DYRK1B: variants seen among roughly 807,000 people sequenced by gnomAD.
The protein encoded by DYRK1B is dual specificity tyrosine phosphorylation regulated kinase 1B.
Under a neutral mutation model 57.1 loss-of-function variants are expected in DYRK1B, and 20 were observed. The observed-to-expected ratio is 0.35, with a 90% CI of 0.25 to 0.51. DYRK1B has a LOEUF of 0.51. Ranked by LOEUF, DYRK1B falls within the 20% of genes least tolerant of loss-of-function variation. The probability of loss-of-function intolerance (pLI) is 0.96; values close to 1 mark genes in which losing one functional copy is unlikely to be tolerated. For missense variants in DYRK1B, 732 were observed against 886.3 expected (o/e 0.83, Z 2.21); for synonymous variants, 409 against 384.7 (o/e 1.06, Z -0.74).
intron 8 of DYRK1B, 128 bp from the exon 9 acceptor site, chr19:39,827,115 G>T: frequency 4.3e-6 from 5 of 1,165,446 alleles, no homozygotes; most frequent in Non-Finnish European, 5.9e-6. Flanking sequence ...AAGAGTTGTG[G>T]GGTGGGAAGG....
chr19:39,832,050 G>T (rs975072895), intron 1 of DYRK1B, 82 bp from the exon 2 acceptor site: 9 of 1,338,040 alleles, frequency 6.7e-6, no homozygotes, highest in African/African-American at 1.5e-5. Context: ...GTGGACATGA[G>T]AAAGACAGGG....
Position 39,830,790 on chromosome 19 carries a change from G to A in DYRK1B, c.64-7C>T. On this transcript the variant is annotated splice_region_variant and splice_polypyrimidine_tract_variant and intron_variant, in intron 2 of 10. Coordinates refer to ENST00000323039, the MANE Select transcript of DYRK1B (RefSeq NM_004714.3). The stretch of plus-strand genomic sequence containing the variant: ...GCCGCACATCAGGCAATACCTGCAG[G>A]GCAGGGTGAGGGGTGGGCACTGAGG... 1 of 1,609,774 alleles carries A rather than the reference G, an allele frequency of 6.2e-7. No homozygotes were observed.
rs974666338 is a variant in DYRK1B, at chr19:39,831,906, C to T, written c.-39G>A. ...GGCCGCAGGGGAGCGAGGCCTGGAG[C>T]GGGAGCCCGGCCGGGGGGCGCCTTC... On this transcript the variant is annotated 5_prime_UTR_variant, in exon 2 of 11. Transcript: ENST00000323039. The T allele has an allele frequency of 1.2e-5, 18 of 1,443,666 alleles. No homozygotes were observed. Among genetic ancestry groups the T allele is most frequent in the East Asian group, 5.4e-5 (2 of 37,086 alleles). 89.4% of individuals were successfully genotyped at this position (1,443,666 alleles called of 1,614,324 possible). A position where few individuals can be genotyped will look rare whatever the true frequency, so the allele number is the denominator to read the frequency against.
chr19:39,826,604 C>A lies in DYRK1B; in HGVS notation c.1411+68G>T. ...TTGTGTGAAGACCCAGTAACCAGGTCCCCCAGGACAGGCCAAACCTGAGCA... is the reference window on the plus strand; with the variant it reads ...TTGTGTGAAGACCCAGTAACCAGGTACCCCAGGACAGGCCAAACCTGAGCA... On this transcript the variant is annotated intron_variant, in intron 9 of 10. Transcript: ENST00000323039. The surrounding 1 kb of genome is among the most constrained non-coding windows in gnomAD (Gnocchi z 6.3). The A allele has an allele frequency of 6.9e-7, 1 of 1,442,078 alleles. No homozygotes were observed. The allele number at this position is 1,442,078 out of a possible 1,614,324, so 89.3% of individuals were successfully genotyped here.
Position 39,828,380 on chromosome 19 carries a change from G to A in DYRK1B, c.724C>T (p.Pro242Ser). 6.2e-7 allele frequency: 1 copy of A among 1,614,168 alleles called. No individual in the cohort carries two copies. The highest frequency in any genetic ancestry group is 8.5e-7 in the Non-Finnish European group (1 of 1,180,022). The change falls in exon 6 of 11, where the codon CCC (proline) becomes TCC (serine). Residue 242 changes from proline to serine, a missense_variant. Physicochemically the swap from Pro to Ser is moderately conservative, Grantham distance 74. Around this residue, in one of 2 missense-constraint regions of DYRK1B, gnomAD observed 510 missense variants for 681.3 expected, o/e 0.75. Transcript: ENST00000323039. The surrounding 1 kb of genome is among the most constrained non-coding windows in gnomAD (Gnocchi z 4.3). Reference protein sequence around the residue: ...ELSIIHCDLKPENILLCNPKR... With the variant: ...ELSIIHCDLKSENILLCNPKR... ...GGGTTGCACAGCAAGATGTTTTCGG[G>A]CTTGAGGTCGCAGTGAATGATGCTG...
intron 5 of DYRK1B, among the ~76,000 whole-genome samples, chr19:39,829,274 T>C (rs1291201030): frequency 6.6e-6 from 1 of 151,638 alleles, no homozygotes; most frequent in East Asian, 1.9e-4. Flanking sequence ...GTCATCAGGC[T>C]GGAGTGCAGT....
chr19:39,833,291 C>G, intron 1 of DYRK1B: 1 of 985,506 alleles, frequency 1.0e-6, no homozygotes, highest in East Asian at 1.1e-4. Flanking sequence ...GCGCGGGGCC[C>G]ACGGGGGGCT....
In DYRK1B at chr19:39,826,968, G is replaced by T; in HGVS notation, c.1115C>A (p.Thr372Lys). ...GCCCAGCACCTCCTGCAGCCGCCGT[G>T]TCCCGGGGCCCTGGTAATCCTGGCA... ...ELRKDYQGPG[T>K]RRLQEVLGVQ... Residue 372 changes from threonine to lysine, a missense_variant, in exon 9 of 11, where the codon ACA becomes AAA. By Grantham distance (78) the Thr-to-Lys change is moderately conservative. Around this residue, in one of 2 missense-constraint regions of DYRK1B, gnomAD observed 510 missense variants for 681.3 expected, o/e 0.75. Coordinates refer to ENST00000323039, the MANE Select transcript of DYRK1B (RefSeq NM_004714.3). The surrounding 1 kb of genome is among the most constrained non-coding windows in gnomAD (Gnocchi z 6.3). 1 of 1,446,600 alleles carries T rather than the reference G, an allele frequency of 6.9e-7. No homozygotes were observed. The highest frequency in any genetic ancestry group is 9.0e-7 in the Non-Finnish European group (1 of 1,109,598). 89.6% of individuals were successfully genotyped at this position (1,446,600 alleles called of 1,614,324 possible). A position where few individuals can be genotyped will look rare whatever the true frequency, so the allele number is the denominator to read the frequency against.
At chr19:39,827,014 G>GGGGGCC in intron 8 of DYRK1B, 27 bp from the exon 9 acceptor site, 9 of 419,568 alleles carry the variant, frequency 2.1e-5, no homozygotes, top group Non-Finnish European at 2.6e-5. Context: ...GGGAGGGGGG[G>GGGGGCC]CAAGAGAGTG....
At chr19:39,832,964 C>T (rs1445505455) in intron 1 of DYRK1B, 14 of 985,164 alleles carry the variant, frequency 1.4e-5, no homozygotes, top group Non-Finnish European at 1.7e-5. Flanking sequence ...AATATTCCTA[C>T]CACAGACCTT....
Position 39,825,482 on chromosome 19 carries a change from CAATA to C in DYRK1B, c.*229_*232del, listed in dbSNP as rs942275390. On this transcript the variant is annotated 3_prime_UTR_variant, in exon 11 of 11. Coordinates refer to ENST00000323039, the MANE Select transcript of DYRK1B (RefSeq NM_004714.3). ...CACCGGACCACCACTGTCTTTGGTA[CAATA>C]AATAGAAAAAAAGGGGGAGAGGGGC... 6 of 564,812 alleles carry C rather than the reference CAATA, an allele frequency of 1.1e-5. No individual in the cohort carries two copies. Among genetic ancestry groups the C allele is most frequent in the African/African-American group, 7.7e-5 (4 of 52,170 alleles). The allele number at this position is 564,812 out of a possible 1,614,324, so 35.0% of individuals were successfully genotyped here. A position where few individuals can be genotyped will look rare whatever the true frequency, so the allele number is the denominator to read the frequency against.
At chr19:39,827,734 A>G (rs1029136544) in intron 6 of DYRK1B, 78 bp from the exon 7 acceptor site, 1 of 1,532,312 alleles carries the variant, frequency 6.5e-7, no homozygotes, top group Admixed American at 1.9e-5. Flanking sequence ...AGAGGACCCA[A>G]CTGAGGACAG....
At chr19:39,830,922 C>A in intron 2 of DYRK1B, 139 bp from the exon 3 acceptor site, 1 of 1,043,548 alleles carries the variant, frequency 9.6e-7, no homozygotes, top group Non-Finnish European at 1.4e-6. Flanking sequence ...AAAGAAACTC[C>A]CCCAGGGCTG....
Position 39,828,318 on chromosome 19 carries a change from G to A in DYRK1B, c.786C>T (p.Ser262=). ...RSAIKIVDFG[S]SCQLGQRIYQ... is the part of the protein sequence containing the mutation. ...CTACCCTCTGGCCAAGCTGGCAGGA[G>A]CTGCCGAAGTCCACAATCTTGATGG... is the stretch of plus-strand genomic sequence containing the variant. The change falls in exon 6 of 11, where the codon AGC becomes AGT. Residue 262 remains serine (S), a synonymous_variant. Transcript: ENST00000323039. The surrounding 1 kb of genome is among the most constrained non-coding windows in gnomAD (Gnocchi z 4.3). 3.1e-6 allele frequency: 5 copies of A among 1,614,172 alleles called. No homozygotes were observed. The highest frequency in any genetic ancestry group is 4.2e-6 in the Non-Finnish European group (5 of 1,180,034).
At chr19:39,830,061 T>TGGG (rs777645794) in intron 4 of DYRK1B, 34 bp from the exon 5 acceptor site, 1 of 1,611,046 alleles carries the variant, frequency 6.2e-7, no homozygotes, top group Non-Finnish European at 8.5e-7. Flanking sequence ...AAGAAAGGGG[T>TGGG]GGGAGCAGGG....
chr19:39,827,124 G>T, intron 8 of DYRK1B, 137 bp from the exon 9 acceptor site: 1 of 1,146,898 alleles, frequency 8.7e-7, no homozygotes, highest in Non-Finnish European at 1.2e-6. Context: ...GGGGTGGGAA[G>T]GAGAGATGGG....
At position 39,827,423 on chromosome 19, in the gene DYRK1B, G is replaced by C. The variant is rs752861230; in HGVS notation, c.957C>G (p.Val319=). The part of the protein sequence containing the change: ...GEPLFSGSNE[V]DQMNRIVEVL... ...CCTCCACAATGCGGTTCATCTGGTC[G>C]ACCTGTGAGCAGGCAGGGGTCAAGG... Residue 319 remains valine (V), a splice_region_variant and synonymous_variant, in exon 8 of 11, where the codon GTC becomes GTG. Coordinates refer to ENST00000323039, the MANE Select transcript of DYRK1B (RefSeq NM_004714.3). The C allele has an allele frequency of 6.2e-7, 1 of 1,611,898 alleles. No individual in the cohort carries two copies. The highest frequency in any genetic ancestry group is 1.3e-5 in the African/African-American group (1 of 74,978).
chr19:39,827,042 G>A (rs1274899405), intron 8 of DYRK1B, 55 bp from the exon 9 acceptor site: 1 of 1,341,666 alleles, frequency 7.5e-7, no homozygotes, highest in Non-Finnish European at 9.8e-7. Flanking sequence ...GTGGGCAGGA[G>A]GGGCAGGGAG....
rs777113685 is a variant in DYRK1B at position 39,826,204 on chromosome 19, T to G, written c.1494A>C (p.Thr498=). The change falls in exon 10 of 11, where the codon ACA becomes ACC. Residue 498 remains threonine, a synonymous_variant. Coordinates refer to ENST00000323039, the MANE Select transcript of DYRK1B (RefSeq NM_004714.3). This position sits in a 1 kb window ranked among gnomAD's most constrained non-coding sequence, Gnocchi z 6.3. The part of the protein sequence containing the change: ...RYCGGPGPPI[T]DCEMNSPQVP... ...CCTGGGGGCTGTTCATCTCACAGTC[T>G]GTGATAGGGGGCCCAGGGCCCCCAC... 1 of 1,600,156 alleles carries G rather than the reference T, an allele frequency of 6.2e-7. No individual in the cohort carries two copies. Among genetic ancestry groups the G allele is most frequent in the South Asian group, 1.1e-5 (1 of 88,994 alleles).
Sources: gnomAD v4.1 joint callset for allele counts (sites outside exome capture counted in the v4.1 genomes callset) on GRCh38, gnomAD v4.1.1 for gene constraint, gnomAD v4.1.1 regional missense constraint, Gnocchi (gnomAD v3.1) non-coding constraint, MANE v1.5 for transcripts, NCBI Gene and HGNC (gene_info 2026-07-23, HGNC 2026-07-21) for gene names.